ST7: variants seen among roughly 807,000 people sequenced by gnomAD.
ST7 encodes suppression of tumorigenicity 7, also known as suppressor of tumorigenicity 7 protein.
A neutral mutation model predicts 78.7 loss-of-function variants in ST7; 28 were observed. The ratio of observed to expected loss-of-function variants is 0.36; its 90% CI spans 0.26 to 0.49. The LOEUF is 0.49. ST7 is among the 20% of genes least tolerant of loss of function. The pLI, the probability that ST7 is intolerant of heterozygous loss-of-function variation, is 0.99. For missense variants in ST7, 418 were observed against 696.0 expected, an observed-to-expected ratio of 0.60 and a Z score of 4.49; for synonymous variants, 247 against 249.6, an observed-to-expected ratio of 0.99 and a Z score of 0.10.
chr7:117,059,851 T>C (rs1370125000), intron 1 of ST7, among the ~76,000 whole-genome samples: 2 of 147,040 alleles, frequency 1.4e-5, no homozygotes, highest in Non-Finnish European at 3.0e-5. Context: ...CGTGTGGTAA[T>C]GTGTGCCTGT....
At position 117,193,046 on chromosome 7, in the gene ST7, G is replaced by A. The variant is rs142837747; in HGVS notation, c.1254+2110G>A. The stretch of plus-strand genomic sequence containing the variant: ...ATCCTCTTCGTCTATCAGAATTTCC[G>A]TGGGGAACGGGTCCTGGGATTCACT... On this transcript the variant is annotated intron_variant, in intron 12 of 15. Transcript: ENST00000323984. 2.4e-4 allele frequency among the ~76,000 whole-genome samples: 37 copies of A among 152,206 alleles called. No homozygotes were observed. In the East Asian group the frequency reaches 4.2e-3, roughly 17 times the overall value.
At chr7:117,057,139 A>AAAAATT (rs1798104246) in intron 1 of ST7, among the ~76,000 whole-genome samples, 1 of 152,128 alleles carries the variant, frequency 6.6e-6, no homozygotes, top group African/African-American at 2.4e-5. Flanking sequence ...TTAAAATGTA[A>AAAAATT]TTATTTTAAA....
chr7:117,148,755 T>C (rs1806008904), intron 9 of ST7, among the ~76,000 whole-genome samples: 2 of 152,244 alleles, frequency 1.3e-5, no homozygotes, highest in Admixed American at 6.5e-5. Flanking sequence ...TATGGTGCCC[T>C]GCTTCCCACC....
At chr7:117,029,442 T>G (rs1216047096) in intron 1 of ST7, among the ~76,000 whole-genome samples, 2 of 152,200 alleles carry the variant, frequency 1.3e-5, no homozygotes, top group East Asian at 3.8e-4. Flanking sequence ...TGAGGTTGTC[T>G]TCTTATTACC....
chr7:117,151,987 C>T (rs936292544), intron 9 of ST7, among the ~76,000 whole-genome samples: 2 of 151,338 alleles, frequency 1.3e-5, no homozygotes, highest in Admixed American at 1.3e-4. Flanking sequence ...GGTGTGGTGG[C>T]ACATGCCTGT....
Position 117,189,313 on chromosome 7 carries a change from T to TC in ST7, c.1079-6dup, listed in dbSNP as rs778042271. The TC allele has an allele frequency of 1.8e-5, 28 of 1,598,602 alleles. No individual in the cohort carries two copies. In the African/African-American group the frequency reaches 2.8e-4, roughly 16 times the overall value. ...CTTATGTGTTCCTACTTTCTTTTTC[T>TC]CCAACAGATATAAGCTTACCAAAGT... is the stretch of plus-strand genomic sequence containing the variant. On this transcript the variant is annotated splice_region_variant and splice_polypyrimidine_tract_variant and intron_variant, in intron 10 of 15. Transcript: ENST00000323984.
intron 1 of ST7, among the ~76,000 whole-genome samples, chr7:116,967,633 C>G (rs1317276411): frequency 6.6e-6 from 1 of 152,210 alleles, no homozygotes; most frequent in Non-Finnish European, 1.5e-5. Flanking sequence ...GATCTTAACA[C>G]TAGTTACCTT....
chr7:117,205,770 A>G (rs991654513), intron 12 of ST7, among the ~76,000 whole-genome samples: 1 of 152,224 alleles, frequency 6.6e-6, no homozygotes, highest in African/African-American at 2.4e-5. Flanking sequence ...TAGATTTTGA[A>G]AAGTTGCTTC....
chr7:117,167,358 C>T (rs1378579270), intron 9 of ST7, among the ~76,000 whole-genome samples: 1 of 151,128 alleles, frequency 6.6e-6, no homozygotes, highest in Admixed American at 6.6e-5. Flanking sequence ...TTTTAAATAT[C>T]AACTCTCGGG....
At chr7:117,160,243 A>AG (rs1554443220) in intron 9 of ST7, among the ~76,000 whole-genome samples, 4 of 150,592 alleles carry the variant, frequency 2.7e-5, no homozygotes, top group Non-Finnish European at 5.9e-5. Context: ...AAAAAAAAAA[A>AG]AAAGAAAGAA....
intron 2 of ST7, among the ~76,000 whole-genome samples, chr7:117,105,065 A>G (rs1430701251): frequency 6.6e-6 from 1 of 152,202 alleles, no homozygotes; most frequent in Non-Finnish European, 1.5e-5. Flanking sequence ...AGAATGATTG[A>G]ATCAGGGAAC....
intron 1 of ST7, among the ~76,000 whole-genome samples, chr7:116,996,737 A>G (rs1232977860): frequency 6.6e-6 from 1 of 152,200 alleles, no homozygotes; most frequent in Non-Finnish European, 1.5e-5. Context: ...CCCTTTTGCC[A>G]AAGTAGGTGA....
intron 2 of ST7, among the ~76,000 whole-genome samples, chr7:117,107,267 C>T (rs1316884931): frequency 6.6e-6 from 1 of 152,088 alleles, no homozygotes; most frequent in Non-Finnish European, 1.5e-5. Flanking sequence ...GACTTCTTTG[C>T]CTCTGGGTAG....
At chr7:117,020,540 G>A (rs1166085264) in intron 1 of ST7, 2 of 1,538,824 alleles carry the variant, frequency 1.3e-6, no homozygotes, top group Non-Finnish European at 8.7e-7. Flanking sequence ...CACTCTCCTC[G>A]CTTTTCTTTC....
chr7:117,082,399 A>G lies in ST7; in HGVS notation c.152-17363A>G, dbSNP rs181282097. On this transcript the variant is annotated intron_variant, in intron 1 of 15. Transcript: ENST00000323984. ...CTAGTTTGGGCTATACACAGTTTGC[A>G]TGTTACAAAAAGTAAATCTACCCTT... Among the ~76,000 whole-genome samples, 5 of 152,344 alleles carry G rather than the reference A, an allele frequency of 3.3e-5. No homozygotes were observed. The East Asian group carries it at 9.6e-4, about 29-fold the overall frequency.
intron 8 of ST7, among the ~76,000 whole-genome samples, chr7:117,137,710 G>C (rs1208866630): frequency 1.3e-5 from 2 of 151,984 alleles, no homozygotes; most frequent in African/African-American, 4.8e-5. Flanking sequence ...TCTCAAACAT[G>C]GTAATTTTTA....
intron 12 of ST7, among the ~76,000 whole-genome samples, chr7:117,203,803 T>C (rs1811087584): frequency 6.6e-6 from 1 of 152,210 alleles, no homozygotes; most frequent in Non-Finnish European, 1.5e-5. Context: ...TTCATATCCA[T>C]GCCCCTGAGG....
intron 10 of ST7, among the ~76,000 whole-genome samples, chr7:117,181,419 A>G (rs978885743): frequency 1.3e-5 from 2 of 152,178 alleles, no homozygotes; most frequent in African/African-American, 4.8e-5. Context: ...TCTGCCACTC[A>G]TTTGTTAGGT....
At chr7:117,010,349 A>T (rs1795337675) in intron 1 of ST7, among the ~76,000 whole-genome samples, 2 of 152,246 alleles carry the variant, frequency 1.3e-5, no homozygotes, top group South Asian at 4.1e-4. Flanking sequence ...GGAGCTGGGC[A>T]TACGCTCTAG....
Sources: gnomAD v4.1 joint callset for allele counts (sites outside exome capture counted in the v4.1 genomes callset) on GRCh38, gnomAD v4.1.1 for gene constraint, MANE v1.5 for transcripts, NCBI Gene and HGNC (gene_info 2026-07-23, HGNC 2026-07-21) for gene names.